SMIM22: variants seen among roughly 807,000 people sequenced by gnomAD.
SMIM22 encodes cancer associated small integral membrane open reading frame 1.
A neutral mutation model predicts 8.4 loss-of-function variants in SMIM22; 16 were observed. That is an observed-to-expected ratio of 1.90 (90% CI 1.29 to 2.89). The LOEUF is 2.89. Among genes scored for constraint, SMIM22 ranks in the 30% most tolerant of loss-of-function variants. SMIM22 has a pLI of 0.00. For synonymous variants in SMIM22, 67 were observed against 47.6 expected, an observed-to-expected ratio of 1.41 and a Z score of -1.68; for missense variants, 159 against 107.5, an observed-to-expected ratio of 1.48 and a Z score of -2.12.
upstream of SMIM22, among the ~76,000 whole-genome samples, chr16:4,791,522 T>C (rs543125227): frequency 3.3e-5 from 5 of 152,224 alleles, no homozygotes; most frequent in South Asian, 4.1e-4. Context: ...ATGAGTATAC[T>C]GAGGCAGAAG....
chr16:4,794,103 T>C (rs1037704938), upstream of SMIM22, among the ~76,000 whole-genome samples: 1 of 149,400 alleles, frequency 6.7e-6, no homozygotes, highest in Non-Finnish European at 1.5e-5. Context: ...AGCGGGGTAA[T>C]TTTTGTATTA....
At chr16:4,792,479 C>T (rs1397511640), upstream of SMIM22, among the ~76,000 whole-genome samples, 6 of 149,698 alleles carry the variant, frequency 4.0e-5, no homozygotes, top group African/African-American at 2.4e-5. Flanking sequence ...CATGAGCCAC[C>T]GCGCCTAGCC....
chr16:4,796,183 C>A lies in SMIM22; in HGVS notation c.226-7C>A, dbSNP rs1464525930. 5.9e-6 allele frequency: 9 copies of A among 1,535,922 alleles called. No individual in the cohort carries two copies. Among genetic ancestry groups the A allele is most frequent in the Non-Finnish European group, 7.0e-6 (8 of 1,146,890 alleles). ...ACCTGCTTGGTCCCGCTGTGCTTCT[C>A]GTGCAGGAAAGACCCAAGGGAGTGG... On this transcript the variant is annotated splice_region_variant and splice_polypyrimidine_tract_variant and intron_variant, in intron 3 of 3. Coordinates refer to ENST00000586005, the MANE Select transcript of SMIM22 (RefSeq NM_001253794.2).
chr16:4,788,614 G>A (rs1300992787), intron 1 of SMIM22: 1 of 152,212 alleles, frequency 6.6e-6, no homozygotes, highest in Non-Finnish European at 1.5e-5. Flanking sequence ...TGGCTAGCGG[G>A]ATATCCGTGT....
upstream of SMIM22, among the ~76,000 whole-genome samples, chr16:4,790,523 C>G (rs2082535764): frequency 6.6e-6 from 1 of 152,210 alleles, no homozygotes; most frequent in Non-Finnish European, 1.5e-5. Flanking sequence ...GGTGCGTTGA[C>G]TCATGCTTGT....
At chr16:4,792,336 G>A (rs556307465), upstream of SMIM22, among the ~76,000 whole-genome samples, 15 of 151,384 alleles carry the variant, frequency 9.9e-5, no homozygotes, top group East Asian at 2.8e-3. Context: ...GACTACAGGT[G>A]CCCGCCACCA....
At chr16:4,795,886 T>C (rs2082633783) in intron 2 of SMIM22, 28 bp downstream of exon 2, 1 of 1,534,346 alleles carries the variant, frequency 6.5e-7, no homozygotes, top group Admixed American at 2.0e-5. Flanking sequence ...CTCTGGGTCC[T>C]CCCAGCCCCC....
At chr16:4,790,810 A>G (rs141374127), upstream of SMIM22, among the ~76,000 whole-genome samples, 814 of 152,232 alleles carry the variant, frequency 5.3e-3, 9 homozygotes, top group African/African-American at 0.019. Flanking sequence ...AAATAAATAA[A>G]TAAGTAAGTA....
At chr16:4,788,512 G>C (rs2082496931) in exon 1 of SMIM22, 1 of 152,182 alleles carries the variant, frequency 6.6e-6, no homozygotes, top group African/African-American at 2.4e-5. Context: ...AGTAGAACCA[G>C]GGGCCCAAGG....
At chr16:4,791,096 C>T (rs1046980020), upstream of SMIM22, among the ~76,000 whole-genome samples, 2 of 152,218 alleles carry the variant, frequency 1.3e-5, no homozygotes, top group South Asian at 2.1e-4. Context: ...GGAAATGCGC[C>T]TCTGTGCAGA....
In SMIM22 at chr16:4,796,007, G is replaced by T. The variant is rs560707284; in HGVS notation, c.184G>T (p.Gly62Trp). 3 of 1,512,758 alleles carry T rather than the reference G, an allele frequency of 2.0e-6. No homozygotes were observed. The highest frequency in any genetic ancestry group is 2.5e-5 in the East Asian group (1 of 40,712). The allele number at this position is 1,512,758 out of a possible 1,614,324, so 93.7% of individuals were successfully genotyped here. The change falls in exon 3 of 4, where the codon GGG becomes TGG. Residue 62 changes from glycine (G) to tryptophan (W), a missense_variant. Coordinates refer to ENST00000586005, the MANE Select transcript of SMIM22 (RefSeq NM_001253794.2). ...VAHCCCCSSP[G>W]PRRESPRKVS... ...CCACTGCTGCTGCTGCAGCTCCCCC[G>T]GGCCCCGCAGGGAAAGCCCCAGGAA...
chr16:4,792,486 A>G (rs536562290), upstream of SMIM22, among the ~76,000 whole-genome samples: 15 of 145,732 alleles, frequency 1.0e-4, no homozygotes, highest in South Asian at 4.8e-4. Context: ...CACCGCGCCT[A>G]GCCTCCCCTG....
upstream of SMIM22, among the ~76,000 whole-genome samples, chr16:4,791,325 T>A (rs1395832093): frequency 6.6e-6 from 1 of 152,016 alleles, no homozygotes; most frequent in African/African-American, 2.4e-5. Context: ...GCAGCGTGAC[T>A]ATGGTGGAAG....
upstream of SMIM22, among the ~76,000 whole-genome samples, chr16:4,793,383 T>C (rs1415817294): frequency 2.0e-5 from 3 of 152,172 alleles, no homozygotes; most frequent in Non-Finnish European, 2.9e-5. Flanking sequence ...TACGGCAGCA[T>C]TGGGACATGG....
chr16:4,792,045 C>T (rs1358236183), upstream of SMIM22, among the ~76,000 whole-genome samples: 2 of 151,846 alleles, frequency 1.3e-5, no homozygotes. Context: ...ATAGATACGA[C>T]TTTCATAATA....
upstream of SMIM22, among the ~76,000 whole-genome samples, chr16:4,791,063 G>A (rs1037923973): frequency 6.6e-6 from 1 of 152,208 alleles, no homozygotes; most frequent in African/African-American, 2.4e-5. Flanking sequence ...AGCAGTAGAC[G>A]TACCTCTGGG....
upstream of SMIM22, among the ~76,000 whole-genome samples, chr16:4,794,574 C>G (rs1187349890): frequency 6.6e-6 from 1 of 152,164 alleles, no homozygotes; most frequent in African/African-American, 2.4e-5. Context: ...GAATGTGCCA[C>G]CACGCCTGGC....
chr16:4,795,742 T>C lies in SMIM22; in HGVS notation c.8T>C (p.Val3Ala). 1 of 1,535,678 alleles carries C rather than the reference T, an allele frequency of 6.5e-7. No homozygotes were observed. The highest frequency in any genetic ancestry group is 1.4e-5 in the African/African-American group (1 of 73,090). Residue 3 changes from valine (V) to alanine (A), a missense_variant, in exon 2 of 4, where the codon GTG (valine) becomes GCG (alanine). Transcript: ENST00000586005. MA[V>A]STEELEATVQ... The stretch of plus-strand genomic sequence containing the variant: ...GGCACGGTGCACGCCAAGATGGCTG[T>C]GTCCACAGAGGAGCTGGAGGCCACG...
intron 2 of SMIM22, chr16:4,790,066 ACCATGCTGGGC>A (rs2082528218): frequency 6.6e-6 from 1 of 151,636 alleles, no homozygotes; most frequent in African/African-American, 2.4e-5. Flanking sequence ...AGGTACGTAG[ACCATGCTGGGC>A]TAATTTTTTT....
Sources: allele counts gnomAD v4.1 joint callset (sites outside exome capture counted in the v4.1 genomes callset), GRCh38; gene constraint gnomAD v4.1.1; transcripts MANE v1.5; gene names NCBI Gene and HGNC (gene_info 2026-07-23, HGNC 2026-07-21).